Variants in WWOX observed in about 807,000 individuals in gnomAD.
The protein encoded by WWOX is WW domain-containing oxidoreductase.
A neutral mutation model predicts 46.2 loss-of-function variants in WWOX; 69 were observed. That is an observed-to-expected ratio of 1.49 (90% CI 1.23 to 1.82). The LOEUF is 1.82. Ranked by LOEUF, WWOX falls within the 40% of genes most tolerant of loss-of-function variation. The pLI is 0.00. For missense variants in WWOX, 919 were observed against 542.6 expected, an observed-to-expected ratio of 1.69 and a Z score of -6.89; for synonymous variants, 359 against 202.6, an observed-to-expected ratio of 1.77 and a Z score of -6.56.
rs113067374 is a variant in WWOX at position 78,630,640 on chromosome 16, G to A, written c.1056+197888G>A. 6.0e-4 allele frequency among the ~76,000 whole-genome samples: 91 copies of A among 152,228 alleles called. No homozygotes were observed. The East Asian group carries it at 0.015, about 26-fold the overall frequency. ...TTGTACCTGGTTTTCTCCAGACTTC[G>A]CCTCATTCACCATTTCCCTGTGCTC... is the stretch of plus-strand genomic sequence containing the variant. On this transcript the variant is annotated intron_variant, in intron 8 of 8. Coordinates refer to ENST00000566780, the MANE Select transcript of WWOX (RefSeq NM_016373.4).
intron 5 of WWOX, among the ~76,000 whole-genome samples, chr16:78,373,557 G>A (rs1039795037): frequency 5.3e-5 from 8 of 152,120 alleles, no homozygotes; most frequent in Admixed American, 3.3e-4. Flanking sequence ...TTTTTCCTAT[G>A]CTGTGGAAAG....
chr16:79,137,317 A>G (rs969189627), intron 8 of WWOX, among the ~76,000 whole-genome samples: 3 of 152,208 alleles, frequency 2.0e-5, no homozygotes, highest in East Asian at 1.9e-4. Flanking sequence ...GAGCTTGACA[A>G]TCTTGGCAAG....
At chr16:78,864,668 G>T (rs1234702535) in intron 8 of WWOX, among the ~76,000 whole-genome samples, 1 of 149,588 alleles carries the variant, frequency 6.7e-6, no homozygotes, top group Non-Finnish European at 1.5e-5. Flanking sequence ...GAGATTCCCT[G>T]TTAGCACAGG....
In WWOX at chr16:79,035,196, A is replaced by G. The variant is rs184284143; in HGVS notation, c.1057-176412A>G. On this transcript the variant is annotated intron_variant, in intron 8 of 8. Coordinates refer to ENST00000566780, the MANE Select transcript of WWOX (RefSeq NM_016373.4). The stretch of plus-strand genomic sequence containing the variant: ...TGTGCCACTTTAATTTCCCTAGGCA[A>G]CACTAGCTAGTGGCCCACAATAAGA... Among the ~76,000 whole-genome samples, 1,155 of 152,282 alleles carry G rather than the reference A, an allele frequency of 7.6e-3. 22 individuals are homozygous for G. The highest frequency in any genetic ancestry group is 0.026 in the African/African-American group (1,095 of 41,554).
chr16:78,386,032 C>G (rs977998431), intron 5 of WWOX, among the ~76,000 whole-genome samples: 5 of 152,158 alleles, frequency 3.3e-5, no homozygotes, highest in African/African-American at 1.2e-4. Flanking sequence ...GCTTCAAATC[C>G]CGACCTCTCC....
At chr16:78,938,760 G>A (rs990937302) in intron 8 of WWOX, among the ~76,000 whole-genome samples, 1 of 152,272 alleles carries the variant, frequency 6.6e-6, no homozygotes, top group Middle Eastern at 3.4e-3. Context: ...ATACAGGAGA[G>A]AAGTGAGGTA....
chr16:78,255,060 T>C (rs1214998956), intron 5 of WWOX, among the ~76,000 whole-genome samples: 1 of 152,264 alleles, frequency 6.6e-6, no homozygotes, highest in Non-Finnish European at 1.5e-5. Flanking sequence ...CACCCATGGC[T>C]TCCCCTTTCA....
intron 8 of WWOX, among the ~76,000 whole-genome samples, chr16:78,549,039 A>G (rs1454697498): frequency 2.6e-5 from 4 of 152,206 alleles, no homozygotes. Context: ...GTGCCTTGAT[A>G]ATAAATATTT....
At chr16:78,785,127 A>G (rs991496181) in intron 8 of WWOX, among the ~76,000 whole-genome samples, 4 of 152,230 alleles carry the variant, frequency 2.6e-5, no homozygotes, top group Non-Finnish European at 5.9e-5. Flanking sequence ...ATTCAATACT[A>G]GTATGTAAAA....
chr16:78,521,829 C>T (rs532845182), intron 8 of WWOX, among the ~76,000 whole-genome samples: 1 of 152,014 alleles, frequency 6.6e-6, no homozygotes, highest in East Asian at 1.9e-4. Context: ...ACAGTTGACC[C>T]TAAGCCTATG....
intron 8 of WWOX, among the ~76,000 whole-genome samples, chr16:78,934,205 G>A (rs957913421): frequency 6.6e-6 from 1 of 151,672 alleles, no homozygotes; most frequent in African/African-American, 2.4e-5. Context: ...TGACATGGTG[G>A]CACATCCCTG....
At chr16:78,948,924 A>G (rs35159584) in intron 8 of WWOX, among the ~76,000 whole-genome samples, 19,804 of 152,166 alleles carry the variant, frequency 0.13, 1,768 homozygotes, top group Non-Finnish European at 0.19. Flanking sequence ...GAGATGTGGC[A>G]GAGGGTAGGC....
intron 8 of WWOX, among the ~76,000 whole-genome samples, chr16:78,575,379 C>G (rs950649852): frequency 6.6e-6 from 1 of 151,622 alleles, no homozygotes; most frequent in Non-Finnish European, 1.5e-5. Flanking sequence ...ATAGCCCTAT[C>G]TCCAGGTTGT....
chr16:78,352,865 A>G (rs1486754423), intron 5 of WWOX, among the ~76,000 whole-genome samples: 1 of 152,174 alleles, frequency 6.6e-6, no homozygotes, highest in Non-Finnish European at 1.5e-5. Context: ...CGGTTGATTG[A>G]ATATTGGCTG....
intron 8 of WWOX, among the ~76,000 whole-genome samples, chr16:78,868,160 T>C (rs915119234): frequency 2.0e-5 from 3 of 152,124 alleles, no homozygotes; most frequent in Non-Finnish European, 4.4e-5. Context: ...GAGAAACAAA[T>C]GTAGTCTATC....
intron 8 of WWOX, among the ~76,000 whole-genome samples, chr16:78,608,149 G>A (rs371491027): frequency 8.5e-5 from 13 of 152,280 alleles, no homozygotes; most frequent in African/African-American, 1.7e-4. Context: ...CAGAGAGGTC[G>A]TACGTTGACC....
intron 8 of WWOX, among the ~76,000 whole-genome samples, chr16:78,979,283 G>C (rs77144854): frequency 7.9e-5 from 12 of 152,048 alleles, no homozygotes; most frequent in Admixed American, 4.6e-4. Context: ...GATAACGCCT[G>C]TGTTTTAGTT....
At chr16:79,018,171 T>G (rs1157105406) in intron 8 of WWOX, among the ~76,000 whole-genome samples, 3 of 152,218 alleles carry the variant, frequency 2.0e-5, no homozygotes, top group Admixed American at 6.5e-5. Flanking sequence ...TACTGAAATT[T>G]GATTTTATTG....
At chr16:78,823,232 A>C (rs2051553737) in intron 8 of WWOX, among the ~76,000 whole-genome samples, 1 of 152,222 alleles carries the variant, frequency 6.6e-6, no homozygotes, top group South Asian at 2.1e-4. Context: ...TGCTGTATAG[A>C]AATGCCTTAA....
Sources: allele counts gnomAD v4.1 joint callset (sites outside exome capture counted in the v4.1 genomes callset), GRCh38; gene constraint gnomAD v4.1.1; transcripts MANE v1.5; gene names NCBI Gene and HGNC (gene_info 2026-07-23, HGNC 2026-07-21).